The following SNTG1 variants were observed in gnomAD, a reference collection of about 807,000 sequenced individuals.
The protein encoded by SNTG1 is gamma-1-syntrophin.
SNTG1 carries 39 observed loss-of-function variants against 74.7 expected under a neutral mutation model. The ratio of observed to expected loss-of-function variants is 0.52; its 90% CI spans 0.40 to 0.68. The LOEUF is 0.68. Ranked by LOEUF, SNTG1 falls within the 30% of genes least tolerant of loss-of-function variation. The pLI is 0.00. For missense variants in SNTG1, 685 were observed against 609.5 expected (o/e 1.12, Z -1.30); for synonymous variants, 254 against 217.1 (o/e 1.17, Z -1.49).
intron 1 of SNTG1, among the ~76,000 whole-genome samples, chr8:50,081,727 G>A (rs530440640): frequency 3.3e-5 from 5 of 152,124 alleles, no homozygotes; most frequent in African/African-American, 9.6e-5. Flanking sequence ...TCTGCCTCCC[G>A]AGTTCAAGTG....
intron 1 of SNTG1, among the ~76,000 whole-genome samples, chr8:50,115,196 A>G (rs1220843708): frequency 6.6e-6 from 1 of 152,146 alleles, no homozygotes; most frequent in Non-Finnish European, 1.5e-5. Flanking sequence ...ATTGTCTTGC[A>G]AAATTCAGGT....
At chr8:50,484,425 G>A (rs982091337) in intron 8 of SNTG1, among the ~76,000 whole-genome samples, 1 of 151,422 alleles carries the variant, frequency 6.6e-6, no homozygotes, top group Non-Finnish European at 1.5e-5. Context: ...ATGTTGGTCA[G>A]GCTGGTCTCA....
chr8:49,926,995 C>G (rs75536108), intron 1 of SNTG1, among the ~76,000 whole-genome samples: 1,784 of 152,232 alleles, frequency 0.012, 35 homozygotes, highest in African/African-American at 0.04. Context: ...AAAAGATGCT[C>G]AACACCTTAT....
chr8:50,756,619 TG>T (rs1157653363), intron 18 of SNTG1, among the ~76,000 whole-genome samples: 1 of 151,812 alleles, frequency 6.6e-6, no homozygotes, highest in African/African-American at 2.4e-5. Flanking sequence ...TCTGTTCCAT[TG>T]ATCTATTTGT....
At chr8:50,612,758 T>G (rs1195661889) in intron 13 of SNTG1, among the ~76,000 whole-genome samples, 1 of 152,170 alleles carries the variant, frequency 6.6e-6, no homozygotes, top group Admixed American at 6.5e-5. Flanking sequence ...GTAGGTGAAT[T>G]TTTCAGGACG....
At chr8:49,979,199 G>A (rs1812450842) in intron 1 of SNTG1, among the ~76,000 whole-genome samples, 2 of 152,228 alleles carry the variant, frequency 1.3e-5, no homozygotes, top group African/African-American at 4.8e-5. Context: ...ACAATGGCGA[G>A]ACGCAGACGC....
chr8:50,248,360 A>G (rs1055324051), intron 2 of SNTG1, among the ~76,000 whole-genome samples: 1 of 152,118 alleles, frequency 6.6e-6, no homozygotes. Flanking sequence ...TTGACTTTCA[A>G]TTTCTCTTCA....
chr8:50,323,983 A>G (rs545794377), intron 2 of SNTG1, among the ~76,000 whole-genome samples: 2 of 152,312 alleles, frequency 1.3e-5, no homozygotes, highest in Non-Finnish European at 2.9e-5. Flanking sequence ...GTGTCTCCTT[A>G]GGTAACATGT....
intron 2 of SNTG1, among the ~76,000 whole-genome samples, chr8:50,361,145 C>T (rs2091944060): frequency 6.6e-6 from 1 of 151,650 alleles, no homozygotes; most frequent in Non-Finnish European, 1.5e-5. Context: ...AACTTTTTTG[C>T]TTTTTAAAAT....
At chr8:50,406,861 C>A (rs954167261) in intron 4 of SNTG1, among the ~76,000 whole-genome samples, 1 of 152,060 alleles carries the variant, frequency 6.6e-6, no homozygotes, top group Non-Finnish European at 1.5e-5. Flanking sequence ...CCTGAAAGTA[C>A]TTCCTGGGAC....
chr8:50,623,073 T>A (rs2094933691), intron 13 of SNTG1, among the ~76,000 whole-genome samples: 1 of 152,132 alleles, frequency 6.6e-6, no homozygotes, highest in Non-Finnish European at 1.5e-5. Flanking sequence ...TTGTTTTTTG[T>A]GTGTGGAATC....
At position 50,389,143 on chromosome 8, in the gene SNTG1, A is replaced by T. The variant is rs11990050; in HGVS notation, c.-27-5069A>T. Reference sequence around the variant, plus strand: ...CCTGTAGAGAAACTAGCATATGGTCATTTCTCCCCACCCATAGCTGGAGTA... The same window carrying T: ...CCTGTAGAGAAACTAGCATATGGTCTTTTCTCCCCACCCATAGCTGGAGTA... On this transcript the variant is annotated intron_variant, in intron 2 of 18. Transcript: ENST00000642720. Among the ~76,000 whole-genome samples, 1,423 of 152,240 alleles carry T rather than the reference A, an allele frequency of 9.3e-3. 27 individuals carry two copies. Among genetic ancestry groups the T allele is most frequent in the African/African-American group, 0.032 (1,346 of 41,528 alleles).
At chr8:49,917,097 A>G (rs1251909279) in intron 1 of SNTG1, among the ~76,000 whole-genome samples, 3 of 152,118 alleles carry the variant, frequency 2.0e-5, no homozygotes, top group Admixed American at 1.3e-4. Context: ...AGATTAAGAA[A>G]TTTAGATCAT....
chr8:50,442,896 T>G (rs1321943879), intron 5 of SNTG1, among the ~76,000 whole-genome samples: 2 of 152,156 alleles, frequency 1.3e-5, no homozygotes, highest in Non-Finnish European at 2.9e-5. Context: ...GCACATGGCC[T>G]CGGGCCTGGC....
Position 50,172,084 on chromosome 8 carries a change from G to A in SNTG1, c.-102-477G>A, listed in dbSNP as rs1226970612. Among the ~76,000 whole-genome samples, 5 of 152,226 alleles carry A rather than the reference G, an allele frequency of 3.3e-5. No homozygotes were observed. In the East Asian group the frequency reaches 9.7e-4, roughly 29 times the overall value. On this transcript the variant is annotated intron_variant, in intron 1 of 18. Transcript: ENST00000642720. ...CTTCAATTACAGTATGTTTTAAGAGGTCAGCCTGCCCCCCACCACCATAAA... is the reference window on the plus strand; with the variant it reads ...CTTCAATTACAGTATGTTTTAAGAGATCAGCCTGCCCCCCACCACCATAAA...
intron 2 of SNTG1, among the ~76,000 whole-genome samples, chr8:50,284,566 T>C (rs1245270092): frequency 6.6e-6 from 1 of 152,120 alleles, no homozygotes; most frequent in Non-Finnish European, 1.5e-5. Context: ...ACTTCCTTAC[T>C]TCCTGGAACC....
intron 2 of SNTG1, among the ~76,000 whole-genome samples, chr8:50,337,941 CCTAG>C (rs1434736602): frequency 6.6e-6 from 1 of 152,102 alleles, no homozygotes; most frequent in Non-Finnish European, 1.5e-5. Context: ...TCGAGACCAT[CCTAG>C]CTAACACGGT....
At chr8:50,085,054 T>C (rs1822755212) in intron 1 of SNTG1, among the ~76,000 whole-genome samples, 1 of 152,238 alleles carries the variant, frequency 6.6e-6, no homozygotes, top group African/African-American at 2.4e-5. Context: ...TTAAGTGCAC[T>C]CTTAAGTTAG....
intron 2 of SNTG1, among the ~76,000 whole-genome samples, chr8:50,272,949 A>T (rs1011679): frequency 3.3e-5 from 5 of 151,018 alleles, no homozygotes; most frequent in African/African-American, 1.2e-4. Flanking sequence ...TCGCTATATT[A>T]CCCAGGCTGG....
Sources: gnomAD v4.1 joint callset for allele counts (sites outside exome capture counted in the v4.1 genomes callset) on GRCh38, gnomAD v4.1.1 for gene constraint, MANE v1.5 for transcripts, NCBI Gene and HGNC (gene_info 2026-07-23, HGNC 2026-07-21) for gene names.